The following CD28 variants were observed in gnomAD, a reference collection of about 807,000 sequenced individuals.
CD28 encodes the protein CD28 molecule.
A neutral mutation model predicts 21.4 loss-of-function variants in CD28; 8 were observed. The observed-to-expected ratio is 0.37, with a 90% confidence interval of 0.22 to 0.68. CD28 has a LOEUF of 0.68. CD28 is among the 30% of genes least tolerant of loss of function. The probability of loss-of-function intolerance (pLI) is 0.55; values close to 1 mark genes in which losing one functional copy is unlikely to be tolerated. For missense variants in CD28, 239 were observed against 272.2 expected, an observed-to-expected ratio of 0.88 and a Z score of 0.86; for synonymous variants, 106 against 104.0, an observed-to-expected ratio of 1.02 and a Z score of -0.12.
At chr2:203,734,725 A>T in intron 3 of CD28, 59 bp from the exon 4 acceptor site, 1 of 1,590,564 alleles carries the variant, frequency 6.3e-7, no homozygotes, top group Non-Finnish European at 8.6e-7. Context: ...TTGTGCCCAC[A>T]GTCTTAGAAC....
At chr2:203,707,088 C>T (rs1328058836) in intron 1 of CD28, among the ~76,000 whole-genome samples, 3 of 152,098 alleles carry the variant, frequency 2.0e-5, no homozygotes, top group African/African-American at 7.2e-5. Context: ...AAGCAATCCA[C>T]CTGCCTCTGC....
intron 1 of CD28, among the ~76,000 whole-genome samples, chr2:203,720,475 A>G (rs1693577903): frequency 6.6e-6 from 1 of 152,226 alleles, no homozygotes; most frequent in African/African-American, 2.4e-5. Context: ...TTCACAGGGA[A>G]AGGGCTGGGT....
In CD28 at chr2:203,734,963, T is replaced by C. The variant is rs1427201501; in HGVS notation, c.*51T>C. The C allele has an allele frequency of 3.1e-6, 5 of 1,599,196 alleles. No homozygotes were observed. In the African/African-American group the frequency reaches 4.0e-5, roughly 13 times the overall value. ...CGGCTGGCAGCCCCCATCTGCTCAATATCACTGCTCTGGATAGGAAATGAC... is the reference window on the plus strand; with the variant it reads ...CGGCTGGCAGCCCCCATCTGCTCAACATCACTGCTCTGGATAGGAAATGAC... On this transcript the variant is annotated 3_prime_UTR_variant, in exon 4 of 4. Coordinates refer to ENST00000324106, the MANE Select transcript of CD28 (RefSeq NM_006139.4).
Position 203,738,041 on chromosome 2 carries a change from T to C in CD28, c.*3129T>C, listed in dbSNP as rs894435526. 1 of 152,154 alleles carries C rather than the reference T, an allele frequency of 6.6e-6. No homozygotes were observed. The highest frequency in any genetic ancestry group is 6.5e-5 in the Admixed American group (1 of 15,272). The allele number at this position is 152,154 out of a possible 1,614,324, so 9.4% of individuals were successfully genotyped here. A position where few individuals can be genotyped will look rare whatever the true frequency, so the allele number is the denominator to read the frequency against. On this transcript the variant is annotated 3_prime_UTR_variant, in exon 4 of 4. Transcript: ENST00000324106. ...AATACTAATTTCACTTCAAGCAGGG[T>C]ACGTTTCTGGTTTGTTTGCTTGACT...
intron 1 of CD28, among the ~76,000 whole-genome samples, chr2:203,718,403 T>C (rs1693519658): frequency 6.6e-6 from 1 of 152,216 alleles, no homozygotes; most frequent in African/African-American, 2.4e-5. Flanking sequence ...AGGGAGGTGC[T>C]CTTCTATGCC....
chr2:203,711,637 G>C (rs1205133237), intron 1 of CD28, among the ~76,000 whole-genome samples: 2 of 152,136 alleles, frequency 1.3e-5, no homozygotes, highest in African/African-American at 2.4e-5. Flanking sequence ...CTCACTCATA[G>C]TTCACTTTGG....
At chr2:203,712,384 T>A (rs1243483848) in intron 1 of CD28, among the ~76,000 whole-genome samples, 2 of 152,170 alleles carry the variant, frequency 1.3e-5, no homozygotes, top group Non-Finnish European at 2.9e-5. Flanking sequence ...CCATGCTATT[T>A]GATGACTAAA....
intron 1 of CD28, among the ~76,000 whole-genome samples, chr2:203,708,614 G>A (rs968406627): frequency 6.6e-6 from 1 of 152,180 alleles, no homozygotes; most frequent in East Asian, 1.9e-4. Flanking sequence ...AAGGGGACTA[G>A]CTAGATAAGT....
In CD28 at chr2:203,738,117, G is replaced by T. The variant is rs1187719487; in HGVS notation, c.*3205G>T. The T allele has an allele frequency of 6.6e-6, 1 of 152,160 alleles. No individual in the cohort carries two copies. The highest frequency in any genetic ancestry group is 2.4e-5 in the African/African-American group (1 of 41,430). The allele number at this position is 152,160 out of a possible 1,614,324, so 9.4% of individuals were successfully genotyped here. A position where few individuals can be genotyped will look rare whatever the true frequency, so the allele number is the denominator to read the frequency against. ...ATGGCTGACCTCTTTGAGATGTCAG[G>T]CTAGGCTTACCTATGTGTTCTGTGT... On this transcript the variant is annotated 3_prime_UTR_variant, in exon 4 of 4. Coordinates refer to ENST00000324106, the MANE Select transcript of CD28 (RefSeq NM_006139.4).
At chr2:203,718,496 G>C (rs1364567389) in intron 1 of CD28, among the ~76,000 whole-genome samples, 2 of 152,094 alleles carry the variant, frequency 1.3e-5, no homozygotes, top group Non-Finnish European at 2.9e-5. Flanking sequence ...CATTGTTTTT[G>C]GTTCCTACCT....
chr2:203,709,044 C>A (rs1332782232), intron 1 of CD28, among the ~76,000 whole-genome samples: 10 of 152,036 alleles, frequency 6.6e-5, no homozygotes, highest in Non-Finnish European at 1.5e-4. Context: ...ATTGCTTAAA[C>A]CCGGGACGCG....
intron 1 of CD28, among the ~76,000 whole-genome samples, chr2:203,713,838 A>G (rs1693382249): frequency 8.8e-6 from 1 of 113,904 alleles, no homozygotes; most frequent in Non-Finnish European, 1.8e-5. Flanking sequence ...TGGACCTGAG[A>G]GAGAGAGAGA....
chr2:203,708,994 C>T (rs917209622), intron 1 of CD28, among the ~76,000 whole-genome samples: 4 of 151,934 alleles, frequency 2.6e-5, no homozygotes, highest in Non-Finnish European at 5.9e-5. Context: ...TGGTGGCATG[C>T]GCCTGTAATC....
At chr2:203,709,034 A>T (rs1693240821) in intron 1 of CD28, among the ~76,000 whole-genome samples, 1 of 151,894 alleles carries the variant, frequency 6.6e-6, no homozygotes, top group Non-Finnish European at 1.5e-5. Flanking sequence ...AGGCAGGAGA[A>T]TTGCTTAAAC....
At chr2:203,734,657 C>A in intron 3 of CD28, 127 bp from the exon 4 acceptor site, 2 of 1,143,594 alleles carry the variant, frequency 1.7e-6, no homozygotes, top group South Asian at 1.3e-5. Context: ...GTCCAAGGTG[C>A]TCAAAAAAGG....
intron 1 of CD28, among the ~76,000 whole-genome samples, chr2:203,709,542 A>G (rs1693257672): frequency 6.6e-6 from 1 of 152,194 alleles, no homozygotes; most frequent in Non-Finnish European, 1.5e-5. Flanking sequence ...TGATTTAGGA[A>G]GAGTGAGGAA....
chr2:203,727,686 ATTTT>A, intron 2 of CD28, among the ~76,000 whole-genome samples: 1 of 140,418 alleles, frequency 7.1e-6, no homozygotes, highest in South Asian at 2.3e-4. Context: ...TAATTAATTA[ATTTT>A]TTTTTTTGAG....
intron 3 of CD28, among the ~76,000 whole-genome samples, chr2:203,730,152 A>G (rs988667784): frequency 6.6e-6 from 1 of 152,222 alleles, no homozygotes; most frequent in African/African-American, 2.4e-5. Flanking sequence ...AACTGAAGCC[A>G]ATGGACAATG....
intron 1 of CD28, among the ~76,000 whole-genome samples, chr2:203,715,962 C>A (rs1693452243): frequency 6.6e-6 from 1 of 152,174 alleles, no homozygotes; most frequent in African/African-American, 2.4e-5. Flanking sequence ...TGCCTCAGTT[C>A]TTCCCTTGCT....
Sources: allele counts gnomAD v4.1 joint callset (sites outside exome capture counted in the v4.1 genomes callset), GRCh38; gene constraint gnomAD v4.1.1; transcripts MANE v1.5; gene names NCBI Gene and HGNC (gene_info 2026-07-23, HGNC 2026-07-21).